ABCA6: variants seen among roughly 807,000 people sequenced by gnomAD.
ABCA6 encodes ATP-binding cassette sub-family A member 6.
In ABCA6, 164 loss-of-function variants were observed where a neutral mutation model predicts 191.2. The ratio of observed to expected loss-of-function variants is 0.86; its 90% CI spans 0.76 to 0.98. The LOEUF is 0.98. Ranked by LOEUF, ABCA6 falls within the 50% of genes least tolerant of loss-of-function variation. The pLI, the probability that ABCA6 is intolerant of heterozygous loss-of-function variation, is 0.00. For synonymous variants in ABCA6, 636 were observed against 647.7 expected, an observed-to-expected ratio of 0.98 and a Z score of 0.27; for missense variants, 1,958 against 1,894.1, an observed-to-expected ratio of 1.03 and a Z score of -0.63.
rs966459850 is a variant in ABCA6 at position 69,098,140 on chromosome 17, C to A, written c.3013-113G>T. ...TTGAAAAATCAAAGTAAAGGTGTAG[C>A]TCATTACCATCTAGGCACGAAGGTG... is the stretch of plus-strand genomic sequence containing the variant. On this transcript the variant is annotated intron_variant, in intron 22 of 38. Transcript: ENST00000284425. 8 of 653,694 alleles carry A rather than the reference C, an allele frequency of 1.2e-5. No homozygotes were observed. The East Asian group carries it at 1.9e-4, about 16-fold the overall frequency. The allele number at this position is 653,694 out of a possible 1,614,324, so 40.5% of individuals were successfully genotyped here.
chr17:69,112,456 CATG>C (rs1401210335), intron 15 of ABCA6, 183 bp from the exon 16 acceptor site: 3 of 505,114 alleles, frequency 5.9e-6, no homozygotes, highest in Admixed American at 3.3e-5. Flanking sequence ...AAAATGAACT[CATG>C]ATATTATTCA....
intron 17 of ABCA6, chr17:69,108,285 G>GC (rs2073347995): frequency 6.5e-6 from 1 of 154,586 alleles, no homozygotes; most frequent in Non-Finnish European, 1.4e-5. Flanking sequence ...ACCTCCATTT[G>GC]CCATTCTGCT....
chr17:69,104,795 C>G (rs1490070725), intron 20 of ABCA6: 1 of 151,640 alleles, frequency 6.6e-6, no homozygotes, highest in Non-Finnish European at 1.5e-5. Context: ...ATGGCAAAAC[C>G]CCATCTCTAC....
chr17:69,121,795 T>C (rs942195987), intron 10 of ABCA6, among the ~76,000 whole-genome samples: 1 of 152,066 alleles, frequency 6.6e-6, no homozygotes, highest in Admixed American at 6.6e-5. Flanking sequence ...TGCCCTCAAC[T>C]GGTAAAGAAG....
intron 22 of ABCA6, among the ~76,000 whole-genome samples, chr17:69,100,441 A>C (rs1300160109): frequency 6.6e-6 from 1 of 152,100 alleles, no homozygotes; most frequent in African/African-American, 2.4e-5. Context: ...CCACTAACTA[A>C]TTATAATAGA....
chr17:69,082,879 T>C lies in ABCA6; in HGVS notation c.4610A>G (p.Gln1537Arg), dbSNP rs1178531179. 1.9e-6 allele frequency: 3 copies of C among 1,614,216 alleles called. No homozygotes were observed. The highest frequency in any genetic ancestry group is 2.2e-5 in the East Asian group (1 of 44,886). ...AATCAAAAGCCCGTCTCACCTTTCC[T>C]GCCCTGCAGCCTGTGGGAAAAGCTT... ...ILKLFPQAAG[Q>R]ERYSSLLTYK... Residue 1537 changes from glutamine (Q) to arginine (R), a missense_variant, in exon 36 of 39, where the codon CAG becomes CGG. Gln to Arg is a conservative substitution (Grantham distance 43). Transcript: ENST00000284425.
intron 36 of ABCA6, among the ~76,000 whole-genome samples, chr17:69,081,504 GT>G (rs975001328): frequency 1.5e-4 from 22 of 151,408 alleles, no homozygotes; most frequent in East Asian, 3.9e-4. Flanking sequence ...TCATTGTTTT[GT>G]TTTTTTTAAT....
intron 29 of ABCA6, 55 bp from the exon 30 acceptor site, chr17:69,086,790 TGCTG>T: frequency 8.1e-7 from 1 of 1,239,956 alleles, no homozygotes; most frequent in Non-Finnish European, 1.2e-6. Context: ...TTTAGGTCTC[TGCTG>T]GAACCTTTCA....
intron 8 of ABCA6, among the ~76,000 whole-genome samples, chr17:69,125,443 G>A: frequency 6.6e-6 from 1 of 151,988 alleles, no homozygotes; most frequent in East Asian, 1.9e-4. Flanking sequence ...ATAAAAGTTT[G>A]TATTTAGAAT....
intron 30 of ABCA6, 69 bp downstream of exon 30, chr17:69,086,549 C>T (rs928733825): frequency 1.6e-5 from 13 of 823,766 alleles, no homozygotes; most frequent in Non-Finnish European, 2.3e-5. Context: ...TAAAACTGTG[C>T]CTATGACATA....
intron 25 of ABCA6, among the ~76,000 whole-genome samples, chr17:69,093,612 G>A (rs2072979326): frequency 6.6e-6 from 1 of 152,094 alleles, no homozygotes; most frequent in Admixed American, 6.6e-5. Context: ...TTTGTTAGGG[G>A]CTCAGACTTT....
intron 27 of ABCA6, among the ~76,000 whole-genome samples, chr17:69,088,794 C>G (rs1398258968): frequency 2.0e-5 from 3 of 152,114 alleles, no homozygotes; most frequent in Non-Finnish European, 4.4e-5. Flanking sequence ...TCGCTTTATC[C>G]CATGACTTCT....
Position 69,106,574 on chromosome 17 carries a change from C to A in ABCA6, c.2390-363G>T, listed in dbSNP as rs752559565. Among the ~76,000 whole-genome samples the A allele has an allele frequency of 2.1e-3, 230 of 109,650 alleles. 1 individual carries two copies. The highest frequency in any genetic ancestry group is 3.0e-3 in the Non-Finnish European group (177 of 59,174). 71.9% of individuals were successfully genotyped at this position (109,650 alleles called of 152,430 possible). On this transcript the variant is annotated intron_variant, in intron 18 of 38. Transcript: ENST00000284425. ...CACCACTGCACTCCAGCCTAGGAGACAGAGCAAGACTCCATCTCGAAAAAA... is the reference window on the plus strand; with the variant it reads ...CACCACTGCACTCCAGCCTAGGAGAAAGAGCAAGACTCCATCTCGAAAAAA...
In ABCA6 at chr17:69,096,703, G is replaced by T. The variant is rs2073052949; in HGVS notation, c.3219C>A (p.Leu1073=). Residue 1073 remains leucine, a synonymous_variant, in exon 24 of 39, where the codon CTC becomes CTA. Coordinates refer to ENST00000284425, the MANE Select transcript of ABCA6 (RefSeq NM_080284.3). ...TGTAGAAAATTAAATACATTAAAAG[G>T]AGAATTAAAATGAAGAAGCTGACGT... ...LVDVSFFILI[L]LLMYLIFYIE... The T allele has an allele frequency of 6.3e-7, 1 of 1,587,674 alleles. No individual in the cohort carries two copies. Among genetic ancestry groups the T allele is most frequent in the African/African-American group, 1.4e-5 (1 of 73,314 alleles).
In ABCA6 at chr17:69,106,126, T is replaced by A; in HGVS notation, c.2475A>T (p.Thr825=). 1 of 1,613,984 alleles carries A rather than the reference T, an allele frequency of 6.2e-7. No individual in the cohort carries two copies. The highest frequency in any genetic ancestry group is 2.2e-5 in the East Asian group (1 of 44,866). Residue 825 remains threonine (T), a synonymous_variant, in exon 19 of 39, where the codon ACA becomes ACT. Coordinates refer to ENST00000284425, the MANE Select transcript of ABCA6 (RefSeq NM_080284.3). ...LAHSSFSEMQ[T]AVSDMGLWRM... ...TCCAGAGGCCCATGTCACTCACAGC[T>A]GTCTGCATTTCAGAGAAGGAAGAGT...
chr17:69,110,162 T>A (rs1470685300), intron 17 of ABCA6: 1 of 152,312 alleles, frequency 6.6e-6, no homozygotes, highest in East Asian at 1.9e-4. Flanking sequence ...TTTGGTTCTA[T>A]CCACGGTTTC....
chr17:69,085,936 G>T (rs2072776941), intron 30 of ABCA6, among the ~76,000 whole-genome samples: 1 of 152,144 alleles, frequency 6.6e-6, no homozygotes, highest in Non-Finnish European at 1.5e-5. Context: ...CAATACATCT[G>T]TCCTTTTCCC....
Position 69,133,751 on chromosome 17 carries a change from G to A in ABCA6, c.681C>T (p.Phe227=), listed in dbSNP as rs1400638002. ...LLHNEMFILF[F]LLHFSPLVYF... is the part of the protein sequence containing the mutation. The stretch of plus-strand genomic sequence containing the variant: ...ATACAAGTGGGGAGAAATGAAGCAA[G>A]AAGAATAAAATAAACATCTCATTGT... The change falls in exon 6 of 39, where the codon TTC becomes TTT. Residue 227 remains phenylalanine (F), a synonymous_variant. Coordinates refer to ENST00000284425, the MANE Select transcript of ABCA6 (RefSeq NM_080284.3). 1.2e-6 allele frequency: 2 copies of A among 1,611,306 alleles called. No individual in the cohort carries two copies. The highest frequency in any genetic ancestry group is 8.5e-7 in the Non-Finnish European group (1 of 1,177,868).
At chr17:69,112,617 C>T (rs1027473400) in intron 15 of ABCA6, 2 of 231,396 alleles carry the variant, frequency 8.6e-6, no homozygotes, top group African/African-American at 4.7e-5. Context: ...TACACATGGA[C>T]ATACAGTGTG....
Sources: gnomAD v4.1 joint callset for allele counts (sites outside exome capture counted in the v4.1 genomes callset) on GRCh38, gnomAD v4.1.1 for gene constraint, MANE v1.5 for transcripts, NCBI Gene and HGNC (gene_info 2026-07-23, HGNC 2026-07-21) for gene names.